Variants in TSHZ3 observed in about 807,000 individuals in gnomAD.
The protein encoded by TSHZ3 is teashirt homolog 3.
TSHZ3 carries 10 observed loss-of-function variants against 64.5 expected under a neutral mutation model. The observed-to-expected ratio is 0.16, with a 90% CI of 0.10 to 0.26. The LOEUF (loss-of-function observed/expected upper bound fraction) is 0.26. TSHZ3 is among the 10% of genes least tolerant of loss of function. The probability of loss-of-function intolerance (pLI) is 1.00; values close to 1 mark genes in which losing one functional copy is unlikely to be tolerated. For missense variants in TSHZ3, 1,242 were observed against 1,421.7 expected (o/e 0.87, Z 2.03); for synonymous variants, 608 against 593.1 (o/e 1.03, Z -0.36).
intron 1 of TSHZ3, among the ~76,000 whole-genome samples, chr19:31,281,927 G>A (rs1568368469): frequency 6.6e-6 from 1 of 152,290 alleles, no homozygotes; most frequent in South Asian, 2.1e-4. Flanking sequence ...TTTCAGCACT[G>A]AATGTCTTGC....
intron 1 of TSHZ3, among the ~76,000 whole-genome samples, chr19:31,255,828 C>T (rs927099041): frequency 6.6e-6 from 1 of 152,170 alleles, no homozygotes; most frequent in Admixed American, 6.5e-5. Flanking sequence ...CAGGTAAGCC[C>T]CCCCTTACTC....
chr19:31,349,730 G>A (rs1356726172), upstream of TSHZ3, among the ~76,000 whole-genome samples: 1 of 147,864 alleles, frequency 6.8e-6, no homozygotes, highest in Non-Finnish European at 1.5e-5. Flanking sequence ...CCCGGCCCCC[G>A]CCCCTAGGCC....
intron 5 of TSHZ3, among the ~76,000 whole-genome samples, chr19:31,181,405 G>A (rs995832609): frequency 6.6e-6 from 1 of 152,144 alleles, no homozygotes; most frequent in East Asian, 1.9e-4. Flanking sequence ...TTTGGAAGAT[G>A]TACCATCTGA....
chr19:31,300,545 T>C (rs1463451621), intron 1 of TSHZ3, among the ~76,000 whole-genome samples: 2 of 152,162 alleles, frequency 1.3e-5, no homozygotes, highest in Non-Finnish European at 2.9e-5. Flanking sequence ...GGTGAATTCC[T>C]AGGGAGGGAT....
rs529357753 is a variant in TSHZ3 at position 31,344,646 on chromosome 19, G to A, written c.40+4534C>T. The stretch of plus-strand genomic sequence containing the variant: ...CCCCAGCCTGACTCTGGCAGGACAC[G>A]TGTAAAAGAGAAAGCACCACAAGAG... On this transcript the variant is annotated intron_variant, in intron 1 of 1. Transcript: ENST00000240587. 8.5e-5 allele frequency among the ~76,000 whole-genome samples: 13 copies of A among 152,314 alleles called. No homozygotes were observed. The South Asian group carries it at 2.5e-3, about 29-fold the overall frequency.
At chr19:31,256,255 G>A (rs1157821253) in intron 1 of TSHZ3, among the ~76,000 whole-genome samples, 1 of 152,108 alleles carries the variant, frequency 6.6e-6, no homozygotes, top group East Asian at 1.9e-4. Flanking sequence ...CTTGCTTTTA[G>A]TCTTCCCTGT....
intron 5 of TSHZ3, among the ~76,000 whole-genome samples, chr19:31,191,763 G>A (rs1974911849): frequency 6.6e-6 from 1 of 152,108 alleles, no homozygotes. Context: ...GGAGGCTGAG[G>A]TGGGAGGATT....
At chr19:31,332,983 T>C (rs1160526063) in intron 1 of TSHZ3, among the ~76,000 whole-genome samples, 3 of 151,856 alleles carry the variant, frequency 2.0e-5, no homozygotes, top group African/African-American at 7.3e-5. Context: ...TGTGTGCCTG[T>C]GGTCCCAGCT....
rs8112241 is a variant in TSHZ3 at position 31,250,586 on chromosome 19, T to C, written n.64-7711A>G. Among the ~76,000 whole-genome samples, 591 of 152,322 alleles carry C rather than the reference T, an allele frequency of 3.9e-3. 2 individuals are homozygous for C. The highest frequency in any genetic ancestry group is 0.013 in the African/African-American group (554 of 41,564). On this transcript the variant is annotated intron_variant and non_coding_transcript_variant, in intron 1 of 6. Coordinates refer to the TSHZ3 transcript ENST00000651361. ...TGTAATAAGCAAAAGATATGAAATATCTACAATTCTAAGTGGAATACGCTA... is the reference window on the plus strand; with the variant it reads ...TGTAATAAGCAAAAGATATGAAATACCTACAATTCTAAGTGGAATACGCTA...
At chr19:31,225,233 C>T (rs1016553242) in intron 4 of TSHZ3, among the ~76,000 whole-genome samples, 4 of 152,180 alleles carry the variant, frequency 2.6e-5, no homozygotes, top group Non-Finnish European at 5.9e-5. Context: ...TTATAGGAAG[C>T]CTGGCCCCAG....
intron 1 of TSHZ3, among the ~76,000 whole-genome samples, chr19:31,341,283 G>A (rs1454083912): frequency 6.6e-6 from 1 of 152,180 alleles, no homozygotes; most frequent in Non-Finnish European, 1.5e-5. Flanking sequence ...TGTACATAAT[G>A]TACATGTGTT....
At chr19:31,173,455 A>T (rs1353421118) in intron 5 of TSHZ3, among the ~76,000 whole-genome samples, 1 of 152,256 alleles carries the variant, frequency 6.6e-6, no homozygotes, top group Non-Finnish European at 1.5e-5. Flanking sequence ...ACATTTAAAA[A>T]TGAGGTCACA....
chr19:31,280,777 G>A (rs1022959284), intron 1 of TSHZ3, among the ~76,000 whole-genome samples: 4 of 152,220 alleles, frequency 2.6e-5, no homozygotes, highest in Admixed American at 1.3e-4. Context: ...CAGGCCACGC[G>A]CCTGCAGGTT....
At chr19:31,232,312 T>G (rs1445169518) in intron 3 of TSHZ3, among the ~76,000 whole-genome samples, 1 of 152,126 alleles carries the variant, frequency 6.6e-6, no homozygotes, top group African/African-American at 2.4e-5. Flanking sequence ...AAATGAACGC[T>G]TTTTAAAGAG....
intron 1 of TSHZ3, among the ~76,000 whole-genome samples, chr19:31,334,049 C>T (rs886912342): frequency 3.9e-5 from 6 of 152,166 alleles, no homozygotes; most frequent in East Asian, 3.9e-4. Context: ...TCATGTTGCA[C>T]GGCTCTAAGA....
intron 1 of TSHZ3, among the ~76,000 whole-genome samples, chr19:31,294,496 A>G (rs1349428020): frequency 6.6e-6 from 1 of 152,152 alleles, no homozygotes; most frequent in Non-Finnish European, 1.5e-5. Context: ...GTTAACATGC[A>G]CCCAGGCCTC....
intron 1 of TSHZ3, among the ~76,000 whole-genome samples, chr19:31,286,317 TTACAAAAG>T (rs1432033480): frequency 6.6e-6 from 1 of 152,062 alleles, no homozygotes; most frequent in East Asian, 1.9e-4. Context: ...GCTCCCAAAG[TTACAAAAG>T]CTTTCTGCAA....
At chr19:31,306,985 A>G (rs78532482) in intron 1 of TSHZ3, among the ~76,000 whole-genome samples, 55 of 152,186 alleles carry the variant, frequency 3.6e-4, no homozygotes, top group Non-Finnish European at 7.2e-4. Context: ...TCCTTTCTAA[A>G]TATTTCTTTG....
chr19:31,222,480 G>C (rs1438338197), intron 4 of TSHZ3, among the ~76,000 whole-genome samples: 1 of 152,178 alleles, frequency 6.6e-6, no homozygotes, highest in African/African-American at 2.4e-5. Flanking sequence ...AAAGGCTCTA[G>C]AGTAAAGTCA....
Sources: gnomAD v4.1 joint callset for allele counts (sites outside exome capture counted in the v4.1 genomes callset) on GRCh38, gnomAD v4.1.1 for gene constraint, MANE v1.5 for transcripts, NCBI Gene and HGNC (gene_info 2026-07-23, HGNC 2026-07-21) for gene names.